IFNGR2: variants seen among roughly 807,000 people sequenced by gnomAD.
IFNGR2 encodes IFN-gamma receptor 2.
Under a neutral mutation model 41.1 loss-of-function variants are expected in IFNGR2, and 15 were observed. That is an observed-to-expected ratio of 0.37 (90% confidence interval 0.24 to 0.56). The LOEUF (loss-of-function observed/expected upper bound fraction) is 0.56, where lower values mean the gene tolerates loss of function less well. Ranked by LOEUF, IFNGR2 falls within the 20% of genes least tolerant of loss-of-function variation. The pLI is 0.81. For missense variants in IFNGR2, 362 were observed against 415.7 expected (o/e 0.87, Z 1.12); for synonymous variants, 161 against 171.6 (o/e 0.94, Z 0.48).
chr21:33,421,804 A>T, intron 3 of IFNGR2, 119 bp downstream of exon 3: 1 of 829,556 alleles, frequency 1.2e-6, no homozygotes, highest in Non-Finnish European at 2.1e-6. Context: ...ACAAATGGGT[A>T]GGACAGTCAA....
At chr21:33,424,345 C>G (rs985273139) in intron 3 of IFNGR2, among the ~76,000 whole-genome samples, 9 of 151,920 alleles carry the variant, frequency 5.9e-5, no homozygotes, top group African/African-American at 2.2e-4. Flanking sequence ...GCCCAGGGAT[C>G]AAGAGAAGGT....
At position 33,432,584 on chromosome 21, in the gene IFNGR2, T is replaced by TG. The variant is rs1345049815; in HGVS notation, c.722-124dup. 33 of 1,022,840 alleles carry TG rather than the reference T, an allele frequency of 3.2e-5. 1 individual carries two copies. The highest frequency in any genetic ancestry group is 1.0e-4 in the South Asian group (8 of 78,424). The allele number at this position is 1,022,840 out of a possible 1,614,324, so 63.4% of individuals were successfully genotyped here. On this transcript the variant is annotated intron_variant, in intron 5 of 6. Transcript: ENST00000290219. ...TTAATGTAAGCATACCAGGTGAGGGTGGGGGGTAGAGGGACTTGCCCATTT... is the reference window on the plus strand; with the variant it reads ...TTAATGTAAGCATACCAGGTGAGGGTGGGGGGGTAGAGGGACTTGCCCATTT...
At chr21:33,421,056 G>C (rs1374426934) in intron 2 of IFNGR2, among the ~76,000 whole-genome samples, 1 of 151,968 alleles carries the variant, frequency 6.6e-6, no homozygotes, top group Non-Finnish European at 1.5e-5. Flanking sequence ...AATTAACCAG[G>C]CATGATGGTG....
chr21:33,418,308 A>G (rs1325566973), intron 2 of IFNGR2, among the ~76,000 whole-genome samples: 1 of 152,086 alleles, frequency 6.6e-6, no homozygotes, highest in Non-Finnish European at 1.5e-5. Flanking sequence ...CCGCCCACCT[A>G]GCCTCCCAAA....
chr21:33,410,989 G>A (rs2123333345), intron 1 of IFNGR2: 1 of 898,534 alleles, frequency 1.1e-6, no homozygotes, highest in East Asian at 2.7e-5. Flanking sequence ...TTTCCCATCG[G>A]GGGCCATGTG....
intron 1 of IFNGR2, among the ~76,000 whole-genome samples, chr21:33,404,295 C>T (rs1046206260): frequency 2.0e-5 from 3 of 152,174 alleles, no homozygotes; most frequent in Admixed American, 2.0e-4. Flanking sequence ...TGGCCGAGGG[C>T]ATGTTTGACA....
chr21:33,427,132 C>T (rs1218634016), intron 4 of IFNGR2, 100 bp downstream of exon 4: 3 of 1,034,840 alleles, frequency 2.9e-6, no homozygotes, highest in Non-Finnish European at 4.6e-6. Flanking sequence ...CAGGGTGTCT[C>T]CATGTCCCCG....
chr21:33,421,363 T>C, intron 2 of IFNGR2, 117 bp from the exon 3 acceptor site: 1 of 730,178 alleles, frequency 1.4e-6, no homozygotes, highest in Non-Finnish European at 2.4e-6. Flanking sequence ...GGGGGGGAAC[T>C]GTATGGTACA....
At chr21:33,423,736 T>C (rs1460039656) in intron 3 of IFNGR2, among the ~76,000 whole-genome samples, 1 of 151,958 alleles carries the variant, frequency 6.6e-6, no homozygotes, top group African/African-American at 2.4e-5. Context: ...ATCATGCCTG[T>C]AATCTTAGCC....
chr21:33,427,544 A>G (rs1037472546), intron 4 of IFNGR2, among the ~76,000 whole-genome samples: 5 of 152,164 alleles, frequency 3.3e-5, no homozygotes, highest in African/African-American at 1.2e-4. Context: ...AGGTGCTTAG[A>G]TTGGTCAGAA....
intron 4 of IFNGR2, among the ~76,000 whole-genome samples, chr21:33,431,515 A>C (rs1167408317): frequency 6.6e-6 from 1 of 152,200 alleles, no homozygotes; most frequent in Admixed American, 6.5e-5. Context: ...GGTTGCAGTG[A>C]GCCGAGGTCG....
chr21:33,437,117 G>T lies in IFNGR2; in HGVS notation c.*155G>T. ...CATGAGAGACAGCAGGTCTCATGGG[G>T]GTGACAAGCTTTTTTTTTTTTTCTT... On this transcript the variant is annotated 3_prime_UTR_variant, in exon 7 of 7. Transcript: ENST00000290219. The T allele has an allele frequency of 1.6e-6, 1 of 641,844 alleles. No individual in the cohort carries two copies. The highest frequency in any genetic ancestry group is 1.9e-5 in the South Asian group (1 of 52,882). 39.8% of individuals were successfully genotyped at this position (641,844 alleles called of 1,614,324 possible).
In IFNGR2 at chr21:33,433,246, G is replaced by A. The variant is rs552455485; in HGVS notation, c.879+375G>A. Reference sequence around the variant, plus strand: ...ACTGCCCCTGGCAACCCCTAAGAGTGCAGCTGTGGGCAAAGCCGTGGACAC... The same window carrying A: ...ACTGCCCCTGGCAACCCCTAAGAGTACAGCTGTGGGCAAAGCCGTGGACAC... On this transcript the variant is annotated intron_variant, in intron 6 of 6. Coordinates refer to ENST00000290219, the MANE Select transcript of IFNGR2 (RefSeq NM_005534.4). 4.6e-5 allele frequency among the ~76,000 whole-genome samples: 7 copies of A among 152,246 alleles called. No individual in the cohort carries two copies. In the South Asian group the frequency reaches 1.0e-3, roughly 23 times the overall value.
At chr21:33,422,281 T>C (rs1432806406) in intron 3 of IFNGR2, among the ~76,000 whole-genome samples, 2 of 152,170 alleles carry the variant, frequency 1.3e-5, no homozygotes, top group African/African-American at 2.4e-5. Flanking sequence ...GTTCCTACAT[T>C]TGTTCCTCCA....
intron 1 of IFNGR2, chr21:33,411,693 C>G: frequency 7.0e-6 from 2 of 286,870 alleles, no homozygotes; most frequent in South Asian, 6.0e-5. Context: ...ACCAGGGAGA[C>G]AAGAAGGATG....
chr21:33,417,170 C>A (rs1041050110), intron 2 of IFNGR2, among the ~76,000 whole-genome samples: 1 of 151,922 alleles, frequency 6.6e-6, no homozygotes, highest in Non-Finnish European at 1.5e-5. Flanking sequence ...TGGCTCAATG[C>A]AGCCACAATT....
chr21:33,408,240 C>T (rs1365300012), intron 1 of IFNGR2, among the ~76,000 whole-genome samples: 1 of 151,792 alleles, frequency 6.6e-6, no homozygotes, highest in Non-Finnish European at 1.5e-5. Flanking sequence ...TCTTGTTGCC[C>T]AGCTGGAGTG....
intron 2 of IFNGR2, 143 bp downstream of exon 2, chr21:33,415,163 T>C: frequency 1.8e-6 from 2 of 1,099,072 alleles, no homozygotes; most frequent in Non-Finnish European, 2.7e-6. Context: ...GCTTGTAAAA[T>C]CTCTGAGGAC....
At position 33,432,433 on chromosome 21, in the gene IFNGR2, G is replaced by T; in HGVS notation, c.721+97G>T. 5.8e-6 allele frequency: 7 copies of T among 1,207,050 alleles called. 1 individual carries two copies. In the South Asian group the frequency reaches 8.5e-5, roughly 15 times the overall value. The allele number at this position is 1,207,050 out of a possible 1,614,324, so 74.8% of individuals were successfully genotyped here. On this transcript the variant is annotated intron_variant, in intron 5 of 6. Transcript: ENST00000290219. ...GCTTATGAGGTCATGGGTGGTGGGAGTGGGGAGACCCAGTGAGAAGAGTGC... is the reference window on the plus strand; with the variant it reads ...GCTTATGAGGTCATGGGTGGTGGGATTGGGGAGACCCAGTGAGAAGAGTGC...
Sources: gnomAD v4.1 joint callset for allele counts (sites outside exome capture counted in the v4.1 genomes callset) on GRCh38, gnomAD v4.1.1 for gene constraint, MANE v1.5 for transcripts, NCBI Gene and HGNC (gene_info 2026-07-23, HGNC 2026-07-21) for gene names.